PCDH7: variants seen among roughly 807,000 people sequenced by gnomAD.
The protein encoded by PCDH7 is protocadherin 7, also known as protocadherin-7.
In PCDH7, 17 loss-of-function variants were observed where a neutral mutation model predicts 58.9. The ratio of observed to expected loss-of-function variants is 0.29; its 90% CI spans 0.20 to 0.43. The LOEUF is 0.43. Among genes scored for constraint, PCDH7 ranks in the 20% least tolerant of loss-of-function variants. The pLI is 1.00. For missense variants in PCDH7, 1,274 were observed against 1,441.0 expected (o/e 0.88, Z 1.88); for synonymous variants, 664 against 616.4 (o/e 1.08, Z -1.14).
At chr4:30,831,551 T>G (rs1339954256) in intron 1 of PCDH7, among the ~76,000 whole-genome samples, 1 of 152,288 alleles carries the variant, frequency 6.6e-6, no homozygotes, top group South Asian at 2.1e-4. Flanking sequence ...TTGTTTTCAT[T>G]ATGTAAATAC....
intron 2 of PCDH7, among the ~76,000 whole-genome samples, chr4:30,944,055 T>C (rs1220118540): frequency 1.3e-5 from 2 of 152,114 alleles, no homozygotes; most frequent in African/African-American, 2.4e-5. Flanking sequence ...CTGGCAGTTC[T>C]TAAAGCCAAG....
At chr4:31,014,453 G>A (rs1334291875) in intron 3 of PCDH7, among the ~76,000 whole-genome samples, 2 of 152,082 alleles carry the variant, frequency 1.3e-5, no homozygotes, top group African/African-American at 2.4e-5. Context: ...AGACAGGAAT[G>A]TACAAGATGA....
chr4:30,741,193 C>A (rs771729839), intron 1 of PCDH7, among the ~76,000 whole-genome samples: 46 of 151,750 alleles, frequency 3.0e-4, no homozygotes, highest in Non-Finnish European at 5.3e-4. Context: ...ATTAACTATG[C>A]GAGGCTGTTT....
chr4:30,981,870 C>T lies in PCDH7; in HGVS notation c.*7+31655C>T, dbSNP rs193300760. ...ATAGTCAGAGTTCATATATTTTACA[C>T]TGTAGAATGCCATTCACCATTGTTG... is the stretch of plus-strand genomic sequence containing the variant. On this transcript the variant is annotated intron_variant, in intron 3 of 3. Transcript: ENST00000509759. Among the ~76,000 whole-genome samples, 116 of 152,318 alleles carry T rather than the reference C, an allele frequency of 7.6e-4. 1 individual carries two copies. Among genetic ancestry groups the T allele is most frequent in the Admixed American group, 6.9e-3 (105 of 15,300 alleles).
At chr4:30,753,560 C>A (rs1166968437) in intron 1 of PCDH7, among the ~76,000 whole-genome samples, 1 of 152,186 alleles carries the variant, frequency 6.6e-6, no homozygotes, top group Non-Finnish European at 1.5e-5. Context: ...ATTTCAGGGG[C>A]TATACACCCT....
At chr4:31,091,287 T>C (rs1267276094) in intron 3 of PCDH7, among the ~76,000 whole-genome samples, 1 of 152,012 alleles carries the variant, frequency 6.6e-6, no homozygotes, top group Non-Finnish European at 1.5e-5. Context: ...AAAGTGTGCA[T>C]TTTTAGCATT....
chr4:30,817,150 C>T (rs1727791303), intron 1 of PCDH7, among the ~76,000 whole-genome samples: 2 of 152,076 alleles, frequency 1.3e-5, no homozygotes, highest in Admixed American at 1.3e-4. Flanking sequence ...GAAAATGGCA[C>T]CTGGACTTAG....
intron 2 of PCDH7, among the ~76,000 whole-genome samples, chr4:30,930,910 G>C (rs1744493510): frequency 6.6e-6 from 1 of 152,188 alleles, no homozygotes; most frequent in Non-Finnish European, 1.5e-5. Context: ...GTGCACTCCA[G>C]CCTGAGTGAC....
chr4:31,007,965 T>G (rs1385844890), intron 3 of PCDH7, among the ~76,000 whole-genome samples: 1 of 152,088 alleles, frequency 6.6e-6, no homozygotes, highest in African/African-American at 2.4e-5. Context: ...GTTACAACTA[T>G]TGCACACCAC....
intron 3 of PCDH7, among the ~76,000 whole-genome samples, chr4:30,988,962 T>G (rs1267514901): frequency 6.6e-6 from 1 of 152,196 alleles, no homozygotes; most frequent in East Asian, 1.9e-4. Context: ...TTCTCTTTTT[T>G]AATTGAAAGT....
At chr4:30,926,335 C>T (rs1256789115) in intron 2 of PCDH7, among the ~76,000 whole-genome samples, 1 of 151,978 alleles carries the variant, frequency 6.6e-6, no homozygotes, top group Admixed American at 6.5e-5. Context: ...TAGGCGCCCG[C>T]CACCACACTC....
At chr4:30,914,358 T>A (rs1284374738) in intron 1 of PCDH7, among the ~76,000 whole-genome samples, 3 of 152,152 alleles carry the variant, frequency 2.0e-5, no homozygotes, top group Non-Finnish European at 4.4e-5. Context: ...TATAGGAGGG[T>A]ATGTCCTTAA....
Position 30,722,537 on chromosome 4 carries a change from G to C in PCDH7, c.1115G>C (p.Arg372Pro). Residue 372 changes from arginine to proline, a missense_variant, in exon 1 of 2, where the codon CGG becomes CCG. Around this residue, in one of 3 missense-constraint regions of PCDH7, gnomAD observed 331 missense variants for 303.2 expected, o/e 1.09. Transcript: ENST00000361762. The surrounding 1 kb of genome is among the most constrained non-coding windows in gnomAD (Gnocchi z 7.6). ...TCCGGCTGGCTCAGCGTCCTGCACC[G>C]GATCGACCGCGAGGAGGTGAACCAG... The C allele has an allele frequency of 6.2e-7, 1 of 1,612,198 alleles. No homozygotes were observed. Among genetic ancestry groups the C allele is most frequent in the East Asian group, 2.2e-5 (1 of 44,838 alleles).
chr4:30,894,594 C>CAT (rs1204989275), intron 1 of PCDH7, among the ~76,000 whole-genome samples: 5 of 100,552 alleles, frequency 5.0e-5, no homozygotes, highest in South Asian at 3.5e-4. Context: ...TACACACACA[C>CAT]ACATATATAT....
chr4:30,744,350 T>G (rs1257164230), intron 1 of PCDH7, among the ~76,000 whole-genome samples: 1 of 152,226 alleles, frequency 6.6e-6, no homozygotes, highest in Non-Finnish European at 1.5e-5. Context: ...CAAAAGAGTT[T>G]CCTTAGGCTG....
intron 1 of PCDH7, among the ~76,000 whole-genome samples, chr4:30,842,065 A>G (rs1731291256): frequency 6.6e-6 from 1 of 152,160 alleles, no homozygotes; most frequent in Non-Finnish European, 1.5e-5. Flanking sequence ...TGAGGATGAG[A>G]GGAGAATCTG....
At position 30,846,488 on chromosome 4, in the gene PCDH7, T is replaced by G. The variant is rs192428085; in HGVS notation, c.71-73665T>G. ...TTTCCAGACTCCAGAACTGTGAGTT[T>G]TTTTTTTTTTTAAATAAACTGCCCG... On this transcript the variant is annotated intron_variant, in intron 1 of 3. Coordinates refer to the PCDH7 transcript ENST00000509759. 1.3e-4 allele frequency among the ~76,000 whole-genome samples: 19 copies of G among 151,868 alleles called. No homozygotes were observed. In the East Asian group the frequency reaches 2.3e-3, roughly 19 times the overall value.
intron 2 of PCDH7, among the ~76,000 whole-genome samples, chr4:30,926,788 C>T (rs1480398022): frequency 6.6e-6 from 1 of 152,138 alleles, no homozygotes; most frequent in Admixed American, 6.5e-5. Context: ...GGTCTTTCTA[C>T]ATTCTTTTCT....
chr4:30,931,861 C>A, intron 2 of PCDH7, among the ~76,000 whole-genome samples: 1 of 148,362 alleles, frequency 6.7e-6, no homozygotes, highest in Admixed American at 6.7e-5. Context: ...TCAGAACGTA[C>A]CATGAGTGTG....
Sources: gnomAD v4.1 joint callset for allele counts (sites outside exome capture counted in the v4.1 genomes callset) on GRCh38, gnomAD v4.1.1 for gene constraint, gnomAD v4.1.1 regional missense constraint, Gnocchi (gnomAD v3.1) non-coding constraint, MANE v1.5 for transcripts, NCBI Gene and HGNC (gene_info 2026-07-23, HGNC 2026-07-21) for gene names.